Variants in RFX6 observed in about 807,000 individuals in gnomAD.
RFX6 encodes the protein regulatory factor X6, also known as DNA-binding protein RFX6.
Under a neutral mutation model 110.8 loss-of-function variants are expected in RFX6, and 50 were observed. That is an observed-to-expected ratio of 0.45 (90% confidence interval 0.36 to 0.57). RFX6 has a LOEUF of 0.57. RFX6 is among the 20% of genes least tolerant of loss of function. RFX6 has a pLI of 0.00. For synonymous variants in RFX6, 383 were observed against 411.2 expected, an observed-to-expected ratio of 0.93 and a Z score of 0.83; for missense variants, 990 against 1,127.0, an observed-to-expected ratio of 0.88 and a Z score of 1.74.
intron 18 of RFX6, among the ~76,000 whole-genome samples, chr6:116,930,960 G>A (rs1264387161): frequency 6.6e-6 from 1 of 152,094 alleles, no homozygotes; most frequent in Non-Finnish European, 1.5e-5. Flanking sequence ...GTGAAACAAA[G>A]GTGGAGATCA....
intron 4 of RFX6, among the ~76,000 whole-genome samples, chr6:116,887,945 T>A (rs757116967): frequency 2.0e-5 from 3 of 152,182 alleles, no homozygotes; most frequent in Non-Finnish European, 4.4e-5. Flanking sequence ...TGATTTTAAG[T>A]TACATTTTAA....
chr6:116,877,542 G>A, intron 1 of RFX6, 44 bp downstream of exon 1: 3 of 1,438,050 alleles, frequency 2.1e-6, no homozygotes, highest in Non-Finnish European at 2.8e-6. Context: ...GGACGGGGAC[G>A]TATTCTAAGA....
At position 116,927,106 on chromosome 6, in the gene RFX6, C is replaced by CATTAACCA; in HGVS notation, c.1967_1974dup (p.Gly659LeufsTer117). ...CAGCCATGGCAAGCCGAGGAAGTGT[C>CATTAACCA]ATTAACCAAGGACCAATGGCAGGGA... On this transcript the variant is annotated frameshift_variant, in exon 17 of 19. Coordinates refer to ENST00000332958, the MANE Select transcript of RFX6 (RefSeq NM_173560.4). 1 of 1,614,102 alleles carries CATTAACCA rather than the reference C, an allele frequency of 6.2e-7. No individual in the cohort carries two copies. Among genetic ancestry groups the CATTAACCA allele is most frequent in the Non-Finnish European group, 8.5e-7 (1 of 1,179,972 alleles).
At chr6:116,881,245 G>T (rs560898384) in intron 3 of RFX6, among the ~76,000 whole-genome samples, 119 of 152,066 alleles carry the variant, frequency 7.8e-4, no homozygotes, top group Non-Finnish European at 1.3e-3. Flanking sequence ...TATATATAGA[G>T]AGAGAGACAT....
chr6:116,895,096 T>G (rs1774914616), intron 5 of RFX6, 84 bp from the exon 6 acceptor site: 3 of 716,976 alleles, frequency 4.2e-6, no homozygotes, highest in Non-Finnish European at 7.5e-6. Context: ...ATGAAATTAC[T>G]GCTTCTTTAG....
At chr6:116,895,598 G>T (rs1329987723) in intron 6 of RFX6, among the ~76,000 whole-genome samples, 1 of 151,314 alleles carries the variant, frequency 6.6e-6, no homozygotes, top group Non-Finnish European at 1.5e-5. Flanking sequence ...TAGTTATCAA[G>T]GAGCCCAAAT....
intron 7 of RFX6, among the ~76,000 whole-genome samples, chr6:116,913,188 T>A (rs558558826): frequency 2.0e-5 from 3 of 146,558 alleles, no homozygotes; most frequent in African/African-American, 4.9e-5. Context: ...CCTCAGCTTC[T>A]GTAGCTGGGA....
At chr6:116,909,571 T>A (rs935987833) in intron 6 of RFX6, among the ~76,000 whole-genome samples, 4 of 151,316 alleles carry the variant, frequency 2.6e-5, no homozygotes, top group African/African-American at 9.7e-5. Context: ...ATAGAGTGGA[T>A]TGGGATTAAC....
rs193100869 is a variant in RFX6, at chr6:116,925,401, C to T, written c.1679-52C>T. The T allele has an allele frequency of 1.7e-3, 2,365 of 1,365,812 alleles. 5 individuals are homozygous for T. The highest frequency in any genetic ancestry group is 2.1e-3 in the Non-Finnish European group (2,029 of 956,690). The allele number at this position is 1,365,812 out of a possible 1,614,324, so 84.6% of individuals were successfully genotyped here. A position where few individuals can be genotyped will look rare whatever the true frequency, so the allele number is the denominator to read the frequency against. ...TTTTCTTTTTACTTGGGTTTATCTACGAGGAATGTGAGAAAAAATCTCAAA... is the reference window on the plus strand; with the variant it reads ...TTTTCTTTTTACTTGGGTTTATCTATGAGGAATGTGAGAAAAAATCTCAAA... On this transcript the variant is annotated intron_variant, in intron 15 of 18. Transcript: ENST00000332958.
intron 4 of RFX6, among the ~76,000 whole-genome samples, chr6:116,886,494 AG>A (rs1434535379): frequency 2.6e-5 from 4 of 152,250 alleles, no homozygotes; most frequent in Non-Finnish European, 5.9e-5. Flanking sequence ...TAAAACCCAA[AG>A]TTTGGAAAAC....
intron 17 of RFX6, 108 bp downstream of exon 17, chr6:116,927,647 C>G: frequency 1.1e-6 from 1 of 885,716 alleles, no homozygotes; most frequent in South Asian, 1.4e-5. Context: ...TTTAAGGCTT[C>G]CAAAGATCAT....
intron 7 of RFX6, among the ~76,000 whole-genome samples, chr6:116,914,066 T>G (rs991434164): frequency 6.6e-6 from 1 of 152,184 alleles, no homozygotes; most frequent in African/African-American, 2.4e-5. Flanking sequence ...ATTAATCAAC[T>G]TCTCATTATT....
At chr6:116,921,968 G>GT (rs1775607723) in intron 12 of RFX6, 74 bp from the exon 13 acceptor site, 1 of 735,716 alleles carries the variant, frequency 1.4e-6, no homozygotes, top group Non-Finnish European at 2.4e-6. Flanking sequence ...CAAGTTTTAG[G>GT]TTTTCTCTTG....
At chr6:116,918,423 G>A (rs1000836637) in intron 10 of RFX6, among the ~76,000 whole-genome samples, 3 of 151,784 alleles carry the variant, frequency 2.0e-5, no homozygotes, top group African/African-American at 7.3e-5. Context: ...AAAACTATAG[G>A]AGAAATTATT....
rs765206670 is a variant in RFX6 at position 116,928,976 on chromosome 6, A to G, written c.2611+5A>G. 1 of 1,575,154 alleles carries G rather than the reference A, an allele frequency of 6.3e-7. No individual in the cohort carries two copies. Among genetic ancestry groups the G allele is most frequent in the East Asian group, 2.2e-5 (1 of 44,702 alleles). ...CATGTCGAACTCCAGTCCTAGGTAA[A>G]TTATTTTAGCAGTTCTTGAAAACAT... On this transcript the variant is annotated splice_donor_5th_base_variant and intron_variant, in intron 18 of 18. Transcript: ENST00000332958.
chr6:116,895,256 C>G, intron 6 of RFX6, 49 bp downstream of exon 6: 1 of 995,730 alleles, frequency 1.0e-6, no homozygotes, highest in Non-Finnish European at 1.6e-6. Context: ...ATATGTCTTA[C>G]AAGCTGAGCA....
chr6:116,898,324 T>C (rs1482303698), intron 6 of RFX6, among the ~76,000 whole-genome samples: 1 of 151,998 alleles, frequency 6.6e-6, no homozygotes, highest in Non-Finnish European at 1.5e-5. Context: ...GACTTGGGAT[T>C]TGGGATTTTT....
chr6:116,911,083 T>G, intron 7 of RFX6, 41 bp downstream of exon 7: 2 of 1,327,254 alleles, frequency 1.5e-6, no homozygotes, highest in Non-Finnish European at 2.2e-6. Context: ...TTCTGATATG[T>G]TGGCTCCATA....
At chr6:116,910,417 T>C (rs1364218216) in intron 6 of RFX6, among the ~76,000 whole-genome samples, 1 of 152,200 alleles carries the variant, frequency 6.6e-6, no homozygotes, top group Non-Finnish European at 1.5e-5. Flanking sequence ...AGAAACTTAC[T>C]GTGGGAGAGT....
Sources: gnomAD v4.1 joint callset for allele counts (sites outside exome capture counted in the v4.1 genomes callset) on GRCh38, gnomAD v4.1.1 for gene constraint, MANE v1.5 for transcripts, NCBI Gene and HGNC (gene_info 2026-07-23, HGNC 2026-07-21) for gene names.